The following KCNH1 variants were observed in gnomAD, a reference collection of about 807,000 sequenced individuals.
KCNH1 encodes the protein voltage-gated delayed rectifier potassium channel KCNH1.
In KCNH1, 27 loss-of-function variants were observed where a neutral mutation model predicts 69.2. The observed-to-expected ratio is 0.39, with a 90% CI of 0.29 to 0.54. The LOEUF (loss-of-function observed/expected upper bound fraction) is 0.54, where lower values mean the gene tolerates loss of function less well. KCNH1 is among the 20% of genes least tolerant of loss of function. The pLI is 0.68. For synonymous variants in KCNH1, 456 were observed against 487.7 expected (o/e 0.93, Z 0.86); for missense variants, 798 against 1,261.6 (o/e 0.63, Z 5.57).
chr1:211,058,861 G>A (rs1347140390), intron 5 of KCNH1, among the ~76,000 whole-genome samples: 4 of 152,094 alleles, frequency 2.6e-5, no homozygotes, highest in African/African-American at 9.7e-5. Context: ...CACCTAGAAG[G>A]ACACACACAG....
chr1:210,699,454 G>A (rs1473372848), intron 10 of KCNH1, among the ~76,000 whole-genome samples: 1 of 152,244 alleles, frequency 6.6e-6, no homozygotes, highest in Non-Finnish European at 1.5e-5. Context: ...CTCTGCCGAG[G>A]AGGAGCTTTG....
chr1:211,079,054 T>C (rs1264009320), intron 5 of KCNH1, among the ~76,000 whole-genome samples: 3 of 150,588 alleles, frequency 2.0e-5, no homozygotes, highest in Admixed American at 1.3e-4. Context: ...ATCAACAAAA[T>C]TGATAGACCA....
At chr1:210,745,074 G>A (rs981205021) in intron 10 of KCNH1, among the ~76,000 whole-genome samples, 6 of 152,172 alleles carry the variant, frequency 3.9e-5, no homozygotes, top group African/African-American at 7.2e-5. Flanking sequence ...GTGGTGGTGC[G>A]TGCCTGTAGT....
In KCNH1 at chr1:210,797,757, G is replaced by A. The variant is rs773638124; in HGVS notation, c.1666C>T (p.Leu556=). 1 of 1,610,334 alleles carries A rather than the reference G, an allele frequency of 6.2e-7. No homozygotes were observed. The highest frequency in any genetic ancestry group is 8.5e-7 in the Non-Finnish European group (1 of 1,176,906). Residue 556 remains leucine (L), a synonymous_variant, in exon 9 of 11, where the codon CTG becomes TTG. Coordinates refer to ENST00000271751, the MANE Select transcript of KCNH1 (RefSeq NM_172362.3). ...CTCATGTCCTTGGGGCAGATCTGCA[G>A]GACCTAGCCAGGTACAGAAAAAAAC... is the stretch of plus-strand genomic sequence containing the variant. ...MSRGIDTEKV[L]QICPKDMRAD...
Position 210,681,484 on chromosome 1 carries a change from C to T in KCNH1, c.*1797G>A, listed in dbSNP as rs549266543. The T allele has an allele frequency of 5.3e-5, 8 of 152,374 alleles. No individual in the cohort carries two copies. In the East Asian group the frequency reaches 1.2e-3, roughly 22 times the overall value. The allele number at this position is 152,374 out of a possible 1,614,324, so 9.4% of individuals were successfully genotyped here. On this transcript the variant is annotated 3_prime_UTR_variant, in exon 11 of 11. Coordinates refer to ENST00000271751, the MANE Select transcript of KCNH1 (RefSeq NM_172362.3). Reference sequence around the variant, plus strand: ...CAGGACTCTCCCTTGAGCTCGCAGGCCTTGTCTTCCCAGGGCCATCTGTGC... The same window carrying T: ...CAGGACTCTCCCTTGAGCTCGCAGGTCTTGTCTTCCCAGGGCCATCTGTGC...
chr1:210,910,627 G>A (rs1372429496), intron 7 of KCNH1, among the ~76,000 whole-genome samples: 1 of 152,242 alleles, frequency 6.6e-6, no homozygotes, highest in Non-Finnish European at 1.5e-5. Context: ...ATCTGGGTTT[G>A]CATTCTGCCT....
intron 10 of KCNH1, among the ~76,000 whole-genome samples, chr1:210,748,477 C>G (rs896376545): frequency 6.6e-6 from 1 of 152,196 alleles, no homozygotes; most frequent in Admixed American, 6.5e-5. Context: ...CAGTGCCTAA[C>G]ACAGGGTTGC....
chr1:211,030,999 A>C (rs1298224138), intron 5 of KCNH1, among the ~76,000 whole-genome samples: 1 of 152,182 alleles, frequency 6.6e-6, no homozygotes, highest in Non-Finnish European at 1.5e-5. Context: ...TGTTCAACTC[A>C]TTAGCCATTC....
rs1211838939 is a variant in KCNH1, at chr1:210,678,441, A to C, written c.*4840T>G. 1.3e-5 allele frequency: 2 copies of C among 152,214 alleles called. No individual in the cohort carries two copies. Among genetic ancestry groups the C allele is most frequent in the Non-Finnish European group, 2.9e-5 (2 of 68,036 alleles). 9.4% of individuals were successfully genotyped at this position (152,214 alleles called of 1,614,324 possible). On this transcript the variant is annotated 3_prime_UTR_variant, in exon 11 of 11. Transcript: ENST00000271751. ...GAAGGGCCTGCACGTTCCTCTTAAC[A>C]TTCCCAAGCCACAGATATACAGTGG...
chr1:210,834,151 G>C (rs1267354345), intron 7 of KCNH1, among the ~76,000 whole-genome samples: 2 of 152,008 alleles, frequency 1.3e-5, no homozygotes, highest in African/African-American at 2.4e-5. Flanking sequence ...TCTGGAACTA[G>C]AAATACCATT....
chr1:210,969,470 T>C (rs1688472619), intron 6 of KCNH1, among the ~76,000 whole-genome samples: 1 of 152,108 alleles, frequency 6.6e-6, no homozygotes, highest in Non-Finnish European at 1.5e-5. Context: ...TTATTAACAA[T>C]TATAGGGCAA....
At chr1:210,880,533 AT>A (rs779916524) in intron 7 of KCNH1, among the ~76,000 whole-genome samples, 25 of 152,330 alleles carry the variant, frequency 1.6e-4, no homozygotes, top group Non-Finnish European at 2.9e-4. Flanking sequence ...GGATATCCAC[AT>A]GCAAAAACAT....
chr1:211,018,986 C>A lies in KCNH1; in HGVS notation c.829G>T (p.Ala277Ser), dbSNP rs1379093488. 3 of 1,613,964 alleles carry A rather than the reference C, an allele frequency of 1.9e-6. No homozygotes were observed. The highest frequency in any genetic ancestry group is 1.3e-5 in the African/African-American group (1 of 74,922). ...TTGGGGTCAGAAATCACCTCCCCTG[C>A]TGGTCCAACAAAGGTGGTATGAAAA... is the stretch of plus-strand genomic sequence containing the variant. The part of the protein sequence containing the change: ...LNFHTTFVGP[A>S]GEVISDPKLI... Residue 277 changes from alanine (A) to serine (S), a missense_variant, in exon 6 of 11, where the codon GCA (alanine) becomes TCA (serine). Around this residue, in one of 4 missense-constraint regions of KCNH1, gnomAD observed 266 missense variants for 457.2 expected, o/e 0.58. Transcript: ENST00000271751.
At chr1:210,881,282 T>A (rs1161898506) in intron 7 of KCNH1, among the ~76,000 whole-genome samples, 1 of 152,130 alleles carries the variant, frequency 6.6e-6, no homozygotes, top group East Asian at 1.9e-4. Flanking sequence ...GGATTACAGG[T>A]GTGAGCCACC....
chr1:210,757,071 T>C (rs1323617593), intron 10 of KCNH1, among the ~76,000 whole-genome samples: 1 of 152,198 alleles, frequency 6.6e-6, no homozygotes, highest in Non-Finnish European at 1.5e-5. Context: ...CCTCTTCCAA[T>C]TGGTGACTCT....
intron 6 of KCNH1, among the ~76,000 whole-genome samples, chr1:210,964,621 A>T (rs1688363583): frequency 6.6e-6 from 1 of 152,092 alleles, no homozygotes; most frequent in Non-Finnish European, 1.5e-5. Flanking sequence ...TAGCCTACAA[A>T]TCAAAAAAAG....
intron 5 of KCNH1, among the ~76,000 whole-genome samples, chr1:211,080,959 A>T (rs1177453152): frequency 9.2e-5 from 14 of 152,268 alleles, no homozygotes; most frequent in Admixed American, 4.6e-4. Context: ...AAGCCAAAAT[A>T]GACAAATGAG....
intron 7 of KCNH1, among the ~76,000 whole-genome samples, chr1:210,855,664 T>C (rs577476653): frequency 6.6e-6 from 1 of 152,346 alleles, no homozygotes; most frequent in South Asian, 2.1e-4. Context: ...AGTAGGCTCA[T>C]GTGCTATTTG....
At chr1:210,830,163 GTC>G (rs988724355) in intron 7 of KCNH1, among the ~76,000 whole-genome samples, 42 of 152,074 alleles carry the variant, frequency 2.8e-4, no homozygotes, top group African/African-American at 9.9e-4. Context: ...AAGCTTTGTT[GTC>G]TCTCTGTCTT....
Sources: gnomAD v4.1 joint callset for allele counts (sites outside exome capture counted in the v4.1 genomes callset) on GRCh38, gnomAD v4.1.1 for gene constraint, gnomAD v4.1.1 regional missense constraint, MANE v1.5 for transcripts, NCBI Gene and HGNC (gene_info 2026-07-23, HGNC 2026-07-21) for gene names.